GLIS3: variants seen among roughly 807,000 people sequenced by gnomAD.
GLIS3 encodes GLIS family zinc finger 3.
GLIS3 carries 53 observed loss-of-function variants against 78.6 expected under a neutral mutation model. The observed-to-expected ratio is 0.67, with a 90% CI of 0.54 to 0.85. GLIS3 has a LOEUF of 0.85. Among genes scored for constraint, GLIS3 ranks in the 40% least tolerant of loss-of-function variants. GLIS3 has a pLI of 0.00. For synonymous variants in GLIS3, 684 were observed against 509.9 expected (o/e 1.34, Z -4.60); for missense variants, 1,703 against 1,231.1 (o/e 1.38, Z -5.74).
chr9:4,161,680 T>TA (rs1466959554), intron 2 of GLIS3, among the ~76,000 whole-genome samples: 1 of 147,050 alleles, frequency 6.8e-6, no homozygotes, highest in South Asian at 2.3e-4. Flanking sequence ...GAAGTCTTTT[T>TA]TTTTTTTTTT....
In GLIS3 at chr9:4,262,244, C is replaced by A. The variant is rs1184552878; in HGVS notation, c.388+23794G>T. The stretch of plus-strand genomic sequence containing the variant: ...AGGTGTCACTAGCCATTTCTTGAGG[C>A]CCCCAACAAGATATAAGGTAAAAAT... On this transcript the variant is annotated intron_variant, in intron 2 of 10. Coordinates refer to ENST00000381971, the MANE Select transcript of GLIS3 (RefSeq NM_001042413.2). Among the ~76,000 whole-genome samples, 4 of 152,088 alleles carry A rather than the reference C, an allele frequency of 2.6e-5. No homozygotes were observed. The East Asian group carries it at 7.7e-4, about 29-fold the overall frequency.
At chr9:3,908,300 A>G (rs1420760009) in intron 6 of GLIS3, among the ~76,000 whole-genome samples, 1 of 152,192 alleles carries the variant, frequency 6.6e-6, no homozygotes, top group East Asian at 1.9e-4. Context: ...GACTTTTTGT[A>G]CATTGAGTCC....
At chr9:4,398,939 G>C in the GLIS3 span, among the ~76,000 whole-genome samples, 1 of 152,104 alleles carries the variant, frequency 6.6e-6, no homozygotes, top group Admixed American at 6.5e-5. Context: ...CACCTACCTT[G>C]GCCTCTCAAA....
chr9:3,952,953 T>A (rs1816801938), intron 4 of GLIS3, among the ~76,000 whole-genome samples: 3 of 152,276 alleles, frequency 2.0e-5, no homozygotes, highest in African/African-American at 7.2e-5. Flanking sequence ...CTTATGCGAG[T>A]CTTATTTATG....
rs1817704537 is a variant in GLIS3 at position 4,332,789 on chromosome 9, T to C, written n.264+14292A>G. 2.6e-5 allele frequency among the ~76,000 whole-genome samples: 4 copies of C among 152,356 alleles called. No individual in the cohort carries two copies. In the South Asian group the frequency reaches 6.2e-4, roughly 24 times the overall value. On this transcript the variant is annotated intron_variant and non_coding_transcript_variant, in intron 2 of 4. Coordinates refer to the GLIS3 transcript ENST00000471664. ...ATACAAATGTACATAGGTGTTCCTC[T>C]ACACATCTATTCAGTAAATATGTCA... is the stretch of plus-strand genomic sequence containing the variant.
the GLIS3 span, among the ~76,000 whole-genome samples, chr9:4,417,477 G>A: frequency 7.9e-5 from 12 of 152,116 alleles, no homozygotes; most frequent in Middle Eastern, 3.4e-3. Context: ...ATATAGTCAC[G>A]TACCATTATT....
intron 10 of GLIS3, 134 bp from the exon 11 acceptor site, chr9:3,828,542 T>G: frequency 8.9e-7 from 1 of 1,119,252 alleles, no homozygotes; most frequent in Non-Finnish European, 1.3e-6. Context: ...CTGGGCCCTA[T>G]AGTGAGTCTC....
chr9:4,405,953 A>G, the GLIS3 span, among the ~76,000 whole-genome samples: 1 of 152,252 alleles, frequency 6.6e-6, no homozygotes, highest in Non-Finnish European at 1.5e-5. Context: ...CAACATAATA[A>G]AGGACAAAAT....
chr9:4,286,541 C>A lies in GLIS3; in HGVS notation c.-98-18G>T, dbSNP rs559540480. ...TTATAAGCCTGTTTAAAAAAATAAACGCAGGCATTTTTAAAAGCAAAAATG... is the reference window on the plus strand; with the variant it reads ...TTATAAGCCTGTTTAAAAAAATAAAAGCAGGCATTTTTAAAAGCAAAAATG... On this transcript the variant is annotated intron_variant, in intron 1 of 10. Coordinates refer to ENST00000381971, the MANE Select transcript of GLIS3 (RefSeq NM_001042413.2). 1.6e-6 allele frequency: 2 copies of A among 1,264,154 alleles called. No individual in the cohort carries two copies. The highest frequency in any genetic ancestry group is 1.5e-5 in the African/African-American group (1 of 68,266). The allele number at this position is 1,264,154 out of a possible 1,614,324, so 78.3% of individuals were successfully genotyped here. A position where few individuals can be genotyped will look rare whatever the true frequency, so the allele number is the denominator to read the frequency against.
the GLIS3 span, among the ~76,000 whole-genome samples, chr9:4,436,994 G>A: frequency 6.6e-6 from 1 of 152,036 alleles, no homozygotes; most frequent in African/African-American, 2.4e-5. Context: ...ATAATAAAGA[G>A]CTGCAGTAGA....
At chr9:4,431,576 G>T in the GLIS3 span, among the ~76,000 whole-genome samples, 2 of 152,200 alleles carry the variant, frequency 1.3e-5, no homozygotes, top group Non-Finnish European at 2.9e-5. Context: ...CAGGCATGGT[G>T]CCTCATGCCT....
chr9:3,852,644 T>C (rs759204700), intron 9 of GLIS3, among the ~76,000 whole-genome samples: 1 of 152,182 alleles, frequency 6.6e-6, no homozygotes, highest in Admixed American at 6.5e-5. Context: ...CCGCTAGAAA[T>C]GTTGCCTACA....
chr9:4,269,085 C>T (rs936965531), intron 2 of GLIS3, among the ~76,000 whole-genome samples: 2 of 152,308 alleles, frequency 1.3e-5, no homozygotes, highest in East Asian at 3.9e-4. Context: ...AGCTTTCTCA[C>T]ACGACACAGA....
At chr9:4,485,448 C>A in the GLIS3 span, among the ~76,000 whole-genome samples, 1 of 152,160 alleles carries the variant, frequency 6.6e-6, no homozygotes, top group Non-Finnish European at 1.5e-5. Flanking sequence ...ACTTTCCACA[C>A]CCCTGTGATT....
At chr9:4,449,331 G>A in the GLIS3 span, among the ~76,000 whole-genome samples, 9,146 of 152,286 alleles carry the variant, frequency 0.06, 368 homozygotes, top group South Asian at 0.11. Context: ...CTCAAACTGG[G>A]CAGAACCCAC....
chr9:4,280,096 C>G (rs1467906184), intron 2 of GLIS3, among the ~76,000 whole-genome samples: 1 of 152,150 alleles, frequency 6.6e-6, no homozygotes, highest in Non-Finnish European at 1.5e-5. Flanking sequence ...CATGGCTCAC[C>G]GCAGCCTCAA....
chr9:4,217,044 A>G (rs760465917), intron 2 of GLIS3, among the ~76,000 whole-genome samples: 2 of 152,214 alleles, frequency 1.3e-5, no homozygotes, highest in Non-Finnish European at 1.5e-5. Context: ...TCCAAGAGTC[A>G]TGGTTCCAAA....
At chr9:4,340,537 T>C (rs6476849) in intron 2 of GLIS3, among the ~76,000 whole-genome samples, 1 of 152,098 alleles carries the variant, frequency 6.6e-6, no homozygotes, top group Admixed American at 6.5e-5. Flanking sequence ...GGGTCTAGGG[T>C]TAAGCTTCTG....
At chr9:4,384,594 A>G in the GLIS3 span, among the ~76,000 whole-genome samples, 1 of 149,926 alleles carries the variant, frequency 6.7e-6, no homozygotes, top group Non-Finnish European at 1.5e-5. Flanking sequence ...ATATGTATAT[A>G]TATTTATGAC....
Sources: allele counts gnomAD v4.1 joint callset (sites outside exome capture counted in the v4.1 genomes callset), GRCh38; gene constraint gnomAD v4.1.1; transcripts MANE v1.5; gene names NCBI Gene and HGNC (gene_info 2026-07-23, HGNC 2026-07-21).